COQ10B: variants seen among roughly 807,000 people sequenced by gnomAD.
COQ10B encodes the protein coenzyme Q10B.
In COQ10B, 12 loss-of-function variants were observed where a neutral mutation model predicts 27.6. That is an observed-to-expected ratio of 0.43 (90% CI 0.28 to 0.70). The LOEUF (loss-of-function observed/expected upper bound fraction) is 0.70, where lower values mean the gene tolerates loss of function less well. Ranked by LOEUF, COQ10B falls within the 30% of genes least tolerant of loss-of-function variation. The pLI is 0.17. For synonymous variants in COQ10B, 115 were observed against 103.0 expected (o/e 1.12, Z -0.71); for missense variants, 278 against 288.7 (o/e 0.96, Z 0.27).
At chr2:197,461,900 CA>C (rs1304947576) in intron 2 of COQ10B, among the ~76,000 whole-genome samples, 1 of 151,996 alleles carries the variant, frequency 6.6e-6, no homozygotes, top group Non-Finnish European at 1.5e-5. Context: ...CTCAGCTTCC[CA>C]AAGTGCTGGG....
intron 3 of COQ10B, among the ~76,000 whole-genome samples, chr2:197,462,944 C>G (rs375655869): frequency 2.6e-5 from 4 of 152,146 alleles, no homozygotes; most frequent in Non-Finnish European, 5.9e-5. Flanking sequence ...GGAAACTTTT[C>G]CCTTTTTTTT....
intron 3 of COQ10B, among the ~76,000 whole-genome samples, chr2:197,467,710 A>G (rs1317022518): frequency 6.6e-6 from 1 of 152,240 alleles, no homozygotes; most frequent in East Asian, 1.9e-4. Flanking sequence ...TAGACAACAC[A>G]GTAAAAATTA....
chr2:197,463,073 G>A lies in COQ10B; in HGVS notation c.447+342G>A, dbSNP rs182177273. On this transcript the variant is annotated intron_variant, in intron 3 of 4. Coordinates refer to ENST00000263960, the MANE Select transcript of COQ10B (RefSeq NM_025147.5). ...ATGAATTAAATACTTTTATTATTGG[G>A]GGAAGAGTAAATTTGTTTACTAAAT... is the stretch of plus-strand genomic sequence containing the variant. Among the ~76,000 whole-genome samples the A allele has an allele frequency of 2.3e-3, 348 of 152,128 alleles. 1 individual carries two copies. Among genetic ancestry groups the A allele is most frequent in the African/African-American group, 8.0e-3 (331 of 41,474 alleles).
At position 197,453,604 on chromosome 2, in the gene COQ10B, C is replaced by T. The variant is rs1177955547; in HGVS notation, c.44C>T (p.Ser15Leu). ...CATACGGCCTTGAGAAGGGTAGTCT[C>T]GGGATGCCGTCCGAAGTCGGCGACA... ...TGHTALRRVV[S>L]GCRPKSATAA... Residue 15 changes from serine (S) to leucine (L), a missense_variant, in exon 1 of 5, where the codon TCG becomes TTG. By Grantham distance (145) the Ser-to-Leu change is moderately radical. This residue lies in a region of COQ10B where 183 missense variants were observed against 158.2 expected (regional missense o/e 1.16). Transcript: ENST00000263960. 1.2e-6 allele frequency: 2 copies of T among 1,613,854 alleles called. No individual in the cohort carries two copies. The highest frequency in any genetic ancestry group is 1.7e-6 in the Non-Finnish European group (2 of 1,179,948).
At position 197,461,664 on chromosome 2, in the gene COQ10B, A is replaced by G. The variant is rs942547673; in HGVS notation, c.255-875A>G. On this transcript the variant is annotated intron_variant, in intron 2 of 4. Transcript: ENST00000263960. The stretch of plus-strand genomic sequence containing the variant: ...GAGAGAGAGAGAGAGAGAGAGAGAG[A>G]GGTGTACAGGGTCTCACTCTATAGC... Among the ~76,000 whole-genome samples, 4 of 125,570 alleles carry G rather than the reference A, an allele frequency of 3.2e-5. No homozygotes were observed. In the South Asian group the frequency reaches 1.0e-3, roughly 32 times the overall value. 82.4% of individuals were successfully genotyped at this position (125,570 alleles called of 152,430 possible).
chr2:197,454,814 A>G (rs1445339695), intron 1 of COQ10B, among the ~76,000 whole-genome samples: 1 of 152,196 alleles, frequency 6.6e-6, no homozygotes, highest in African/African-American at 2.4e-5. Context: ...TTCCAATGTT[A>G]AGCATCAGAT....
intron 3 of COQ10B, among the ~76,000 whole-genome samples, chr2:197,464,358 A>G (rs1300205708): frequency 6.6e-6 from 1 of 152,096 alleles, no homozygotes; most frequent in Non-Finnish European, 1.5e-5. Flanking sequence ...ATTTCTTGGT[A>G]AGTGGCCAGA....
intron 3 of COQ10B, among the ~76,000 whole-genome samples, chr2:197,465,326 G>C (rs924142575): frequency 2.2e-5 from 3 of 137,944 alleles, no homozygotes; most frequent in African/African-American, 8.2e-5. Flanking sequence ...GTCTTGCTCT[G>C]TTGCCCAGGC....
intron 3 of COQ10B, among the ~76,000 whole-genome samples, chr2:197,468,037 G>GA (rs2085843300): frequency 6.6e-6 from 1 of 152,152 alleles, no homozygotes; most frequent in South Asian, 2.1e-4. Context: ...TCTGCTCTTA[G>GA]AAATGAGGTC....
intron 3 of COQ10B, among the ~76,000 whole-genome samples, chr2:197,467,166 C>T (rs2106054678): frequency 6.6e-6 from 1 of 152,206 alleles, no homozygotes; most frequent in East Asian, 1.9e-4. Flanking sequence ...AGGCTGGTCT[C>T]AAACTCCTGA....
intron 1 of COQ10B, among the ~76,000 whole-genome samples, chr2:197,457,995 T>C (rs1161935230): frequency 6.6e-6 from 1 of 152,234 alleles, no homozygotes; most frequent in Non-Finnish European, 1.5e-5. Flanking sequence ...TCATTTTCTC[T>C]GTAATAAGTG....
In COQ10B at chr2:197,475,245, T is replaced by G. The variant is rs2085937885; in HGVS notation, c.*1321T>G. 6.6e-6 allele frequency: 1 copy of G among 152,206 alleles called. No individual in the cohort carries two copies. The highest frequency in any genetic ancestry group is 2.4e-5 in the African/African-American group (1 of 41,438). The allele number at this position is 152,206 out of a possible 1,614,324, so 9.4% of individuals were successfully genotyped here. A position where few individuals can be genotyped will look rare whatever the true frequency, so the allele number is the denominator to read the frequency against. On this transcript the variant is annotated 3_prime_UTR_variant, in exon 5 of 5. Transcript: ENST00000263960. ...AATATCTATGAAGATATCTAAAATA[T>G]CTATTTCTATGAAGAAACAGACTTT...
chr2:197,471,585 C>T (rs1443242867), intron 4 of COQ10B, among the ~76,000 whole-genome samples: 1 of 152,144 alleles, frequency 6.6e-6, no homozygotes, highest in African/African-American at 2.4e-5. Flanking sequence ...GCAATTTTGA[C>T]TAAATTATCG....
At chr2:197,461,885 C>T (rs1467388480) in intron 2 of COQ10B, among the ~76,000 whole-genome samples, 1 of 151,994 alleles carries the variant, frequency 6.6e-6, no homozygotes, top group Non-Finnish European at 1.5e-5. Flanking sequence ...AGGTGATCTA[C>T]CCACCTCAGC....
chr2:197,460,124 A>G (rs368302397), intron 2 of COQ10B, 43 bp downstream of exon 2: 22 of 1,430,674 alleles, frequency 1.5e-5, no homozygotes, highest in African/African-American at 2.9e-5. Context: ...CATGTTCACA[A>G]TTTTCCGTGG....
Position 197,453,625 on chromosome 2 carries a change from C to T in COQ10B, c.65C>T (p.Ala22Val), listed in dbSNP as rs1350077665. The T allele has an allele frequency of 3.7e-6, 6 of 1,613,822 alleles. No individual in the cohort carries two copies. Among genetic ancestry groups the T allele is most frequent in the African/African-American group, 1.3e-5 (1 of 75,028 alleles). ...GTCTCGGGATGCCGTCCGAAGTCGG[C>T]GACAGCGGCCGGGGCGCAGGCGCCC... ...RVVSGCRPKS[A>V]TAAGAQAPVR... Residue 22 changes from alanine (A) to valine (V), a missense_variant, in exon 1 of 5, where the codon GCG (alanine) becomes GTG (valine). Ala to Val is a moderately conservative substitution (Grantham distance 64, BLOSUM62 0). Transcript: ENST00000263960.
intron 4 of COQ10B, among the ~76,000 whole-genome samples, chr2:197,473,437 T>C (rs186071249): frequency 0.35 from 34,315 of 98,110 alleles, 8,139 homozygotes; most frequent in South Asian, 0.47. Flanking sequence ...TATATATATA[T>C]ATATACACAT....
chr2:197,467,642 G>T (rs564861187), intron 3 of COQ10B, among the ~76,000 whole-genome samples: 1 of 151,336 alleles, frequency 6.6e-6, no homozygotes, highest in South Asian at 2.1e-4. Context: ...CTCCCAAAGT[G>T]CTGGGATTAC....
rs772939216 is a variant in COQ10B at position 197,460,008 on chromosome 2, G to A, written c.181G>A (p.Ala61Thr). The change falls in exon 2 of 5, where the codon GCA (alanine) becomes ACA (threonine). Residue 61 changes from alanine (A) to threonine (T), a missense_variant. This residue lies in a region of COQ10B where 183 missense variants were observed against 158.2 expected (regional missense o/e 1.16). Coordinates refer to ENST00000263960, the MANE Select transcript of COQ10B (RefSeq NM_025147.5). The part of the protein sequence containing the change: ...HTSILPKEIC[A>T]RTFFKITAPL... Reference sequence around the variant, plus strand: ...CTCAATTTTGCCTAAGGAGATATGTGCACGAACTTTCTTCAAAATCACTGC... The same window carrying A: ...CTCAATTTTGCCTAAGGAGATATGTACACGAACTTTCTTCAAAATCACTGC... The A allele has an allele frequency of 4.3e-6, 7 of 1,610,994 alleles. No individual in the cohort carries two copies. Among genetic ancestry groups the A allele is most frequent in the Non-Finnish European group, 5.1e-6 (6 of 1,177,562 alleles).
Sources: gnomAD v4.1 joint callset for allele counts (sites outside exome capture counted in the v4.1 genomes callset) on GRCh38, gnomAD v4.1.1 for gene constraint, gnomAD v4.1.1 regional missense constraint, MANE v1.5 for transcripts, NCBI Gene and HGNC (gene_info 2026-07-23, HGNC 2026-07-21) for gene names.